PRR12: variants seen among roughly 807,000 people sequenced by gnomAD.
PRR12 encodes the protein proline rich 12.
In PRR12, 12 loss-of-function variants were observed where a neutral mutation model predicts 138.0. The ratio of observed to expected loss-of-function variants is 0.09; its 90% CI spans 0.06 to 0.14. The LOEUF (loss-of-function observed/expected upper bound fraction) is 0.14. PRR12 is among the 10% of genes least tolerant of loss of function. The pLI, the probability that PRR12 is intolerant of heterozygous loss-of-function variation, is 1.00. For missense variants in PRR12, 2,692 were observed against 2,861.3 expected, an observed-to-expected ratio of 0.94 and a Z score of 1.35; for synonymous variants, 1,567 against 1,291.7, an observed-to-expected ratio of 1.21 and a Z score of -4.57.
chr19:49,599,847 C>T lies in PRR12; in HGVS notation c.4254C>T (p.Thr1418=). The T allele has an allele frequency of 6.2e-7, 1 of 1,613,278 alleles. No homozygotes were observed. The highest frequency in any genetic ancestry group is 8.5e-7 in the Non-Finnish European group (1 of 1,179,878). The stretch of plus-strand genomic sequence containing the variant: ...TTGCTGGGCCAAAAGACACTTCCAC[C>T]CCAGATGGGCCGCCCTTGGCCCCCG... ...PPLAGPKDTS[T]PDGPPLAPAA... is the part of the protein sequence containing the mutation. The change falls in exon 5 of 14, where the codon ACC becomes ACT. Residue 1418 remains threonine, a synonymous_variant. Transcript: ENST00000418929. This position sits in a 1 kb window ranked among gnomAD's most constrained non-coding sequence, Gnocchi z 5.0.
intron 10 of PRR12, 29 bp downstream of exon 10, chr19:49,620,506 G>C (rs896157115): frequency 1.2e-5 from 19 of 1,527,036 alleles, no homozygotes; most frequent in Admixed American, 1.2e-4. Context: ...AGGAGGGGGG[G>C]GGGCTGACTC....
In PRR12 at chr19:49,625,895, A is replaced by AC. The variant is rs1204758087; in HGVS notation, c.*295dup. 7.3e-5 allele frequency: 16 copies of AC among 217,848 alleles called. No homozygotes were observed. In the East Asian group the frequency reaches 1.2e-3, roughly 16 times the overall value. 13.5% of individuals were successfully genotyped at this position (217,848 alleles called of 1,614,324 possible). Reference sequence around the variant, plus strand: ...ACGGTTTCCCTCTCCCCTTGCCCCGACCCCCCCTCCACAGCCACAGCCCCC... The same window carrying AC: ...ACGGTTTCCCTCTCCCCTTGCCCCGACCCCCCCCTCCACAGCCACAGCCCCC... On this transcript the variant is annotated 3_prime_UTR_variant, in exon 14 of 14. Transcript: ENST00000418929. The surrounding 1 kb of genome is among the most constrained non-coding windows in gnomAD (Gnocchi z 5.5).
Position 49,599,499 on chromosome 19 carries a change from C to T in PRR12, c.3906C>T (p.Gly1302=). 6.3e-7 allele frequency: 1 copy of T among 1,598,456 alleles called. No homozygotes were observed. Residue 1302 remains glycine, a synonymous_variant, in exon 5 of 14, where the codon GGC becomes GGT. Transcript: ENST00000418929. This position sits in a 1 kb window ranked among gnomAD's most constrained non-coding sequence, Gnocchi z 5.0. ...GCCACCCACCACTCTACCAGGCGGGCCTGACGCCTCCGCTCAGCCCTCCCA... is the reference window on the plus strand; with the variant it reads ...GCCACCCACCACTCTACCAGGCGGGTCTGACGCCTCCGCTCAGCCCTCCCA... ...GKRHPPLYQA[G]LTPPLSPPKS...
Position 49,620,496 on chromosome 19 carries a change from A to AG in PRR12, c.5623+21dup, listed in dbSNP as rs1026065347. ...ACGCATGGTGAGCTGAGGCCTGGGG[A>AG]GGAGGGGGGGGGGCTGACTCGGTCT... On this transcript the variant is annotated intron_variant, in intron 10 of 13. Transcript: ENST00000418929. 15 of 1,469,518 alleles carry AG rather than the reference A, an allele frequency of 1.0e-5. No homozygotes were observed. The highest frequency in any genetic ancestry group is 4.1e-5 in the Admixed American group (2 of 49,358). 91.0% of individuals were successfully genotyped at this position (1,469,518 alleles called of 1,614,324 possible).
chr19:49,595,720 G>C lies in PRR12; in HGVS notation c.1385G>C (p.Gly462Ala). ...CCCCAGGCCTACGGGCAAGGGTTTG[G>C]AGGGGGGCAGGCACAGGACTTGAGC... Reference protein sequence around the residue: ...LGPQAYGQGFGGGQAQDLSKA... With the variant: ...LGPQAYGQGFAGGQAQDLSKA... Residue 462 changes from glycine to alanine, a missense_variant, in exon 4 of 14, where the codon GGA (glycine) becomes GCA (alanine). Physicochemically the swap from Gly to Ala is moderately conservative, Grantham distance 60. Transcript: ENST00000418929. The C allele has an allele frequency of 6.3e-7, 1 of 1,592,196 alleles. No homozygotes were observed. Among genetic ancestry groups the C allele is most frequent in the Non-Finnish European group, 8.5e-7 (1 of 1,169,652 alleles).
rs1029184042 is a variant in PRR12, at chr19:49,597,353, G to A, written c.3018G>A (p.Pro1006=). The A allele has an allele frequency of 7.1e-6, 11 of 1,538,894 alleles. No homozygotes were observed. Among genetic ancestry groups the A allele is most frequent in the Non-Finnish European group, 9.6e-6 (11 of 1,146,876 alleles). Residue 1006 remains proline, a synonymous_variant, in exon 4 of 14, where the codon CCG becomes CCA. Transcript: ENST00000418929. This position sits in a 1 kb window ranked among gnomAD's most constrained non-coding sequence, Gnocchi z 6.3. ...CGTCGGGAGCCGGGCCCGAGACACC[G>A]GGCCTGGGCCTGGACCCCAACAAAC... The part of the protein sequence containing the change: ...GRASGAGPET[P]GLGLDPNKPP...
Position 49,599,957 on chromosome 19 carries a change from G to T in PRR12, c.4345+19G>T. 1 of 1,573,924 alleles carries T rather than the reference G, an allele frequency of 6.4e-7. No individual in the cohort carries two copies. The highest frequency in any genetic ancestry group is 1.2e-5 in the South Asian group (1 of 86,052). ...ACTCCCGGTGAGCTCTGGGCAGGTG[G>T]TCTGGGAGTAGAGCTTAAAGGTTAT... On this transcript the variant is annotated intron_variant, in intron 5 of 13. Coordinates refer to ENST00000418929, the MANE Select transcript of PRR12 (RefSeq NM_020719.3). This position sits in a 1 kb window ranked among gnomAD's most constrained non-coding sequence, Gnocchi z 5.0.
rs1186556831 is a variant in PRR12, at chr19:49,594,690, T to C, written c.362-7T>C. The C allele has an allele frequency of 1.2e-6, 2 of 1,611,438 alleles. No individual in the cohort carries two copies. Among genetic ancestry groups the C allele is most frequent in the Non-Finnish European group, 8.5e-7 (1 of 1,179,608 alleles). ...TCTCTCTGACGCGCGGTCTTCCTCA[T>C]CTCCAGCCATGCACACGCCAGGCCC... On this transcript the variant is annotated splice_region_variant and splice_polypyrimidine_tract_variant and intron_variant, in intron 3 of 13. Coordinates refer to ENST00000418929, the MANE Select transcript of PRR12 (RefSeq NM_020719.3). This position sits in a 1 kb window ranked among gnomAD's most constrained non-coding sequence, Gnocchi z 5.6.
chr19:49,620,355 G>C lies in PRR12; in HGVS notation c.5501G>C (p.Arg1834Pro). ...SSPGAPSEDE[R>P]AVPGRLLKTR... ...CTGCGTCCTGTCTTTTCTGCAGAGC[G>C]GGCAGTACCTGGGCGTCTGCTCAAA... Residue 1834 changes from arginine to proline, a missense_variant, in exon 10 of 14, where the codon CGG becomes CCG. Physicochemically the swap from Arg to Pro is moderately radical, Grantham distance 103. Around this residue, in one of 11 missense-constraint regions of PRR12, gnomAD observed 259 missense variants for 265.1 expected, o/e 0.98. Coordinates refer to ENST00000418929, the MANE Select transcript of PRR12 (RefSeq NM_020719.3). 3 of 1,613,128 alleles carry C rather than the reference G, an allele frequency of 1.9e-6. No homozygotes were observed. Among genetic ancestry groups the C allele is most frequent in the Non-Finnish European group, 2.5e-6 (3 of 1,179,576 alleles).
Position 49,625,505 on chromosome 19 carries a change from G to C in PRR12, c.6009G>C (p.Glu2003Asp). The change falls in exon 14 of 14, where the codon GAG becomes GAC. Residue 2003 changes from glutamate to aspartate, a missense_variant. Around this residue, in one of 11 missense-constraint regions of PRR12, gnomAD observed 116 missense variants for 243.4 expected, o/e 0.48. Coordinates refer to ENST00000418929, the MANE Select transcript of PRR12 (RefSeq NM_020719.3). This position sits in a 1 kb window ranked among gnomAD's most constrained non-coding sequence, Gnocchi z 5.5. ...EGGAEDLGQE[E>D]VVQQCMRNQP... ...GCGCCGAGGACCTGGGCCAGGAGGAGGTGGTCCAGCAGTGCATGCGGAACC... is the reference window on the plus strand; with the variant it reads ...GCGCCGAGGACCTGGGCCAGGAGGACGTGGTCCAGCAGTGCATGCGGAACC... 6.2e-7 allele frequency: 1 copy of C among 1,610,272 alleles called. No homozygotes were observed. Among genetic ancestry groups the C allele is most frequent in the Non-Finnish European group, 8.5e-7 (1 of 1,178,766 alleles).
At chr19:49,600,187 A>G (rs780189349) in intron 5 of PRR12, among the ~76,000 whole-genome samples, 1 of 152,084 alleles carries the variant, frequency 6.6e-6, no homozygotes, top group Non-Finnish European at 1.5e-5. Context: ...GCAGGGAGAC[A>G]GGGCAGGTGA....
At chr19:49,617,757 G>A (rs944722378) in intron 9 of PRR12, among the ~76,000 whole-genome samples, 1 of 152,184 alleles carries the variant, frequency 6.6e-6, no homozygotes, top group African/African-American at 2.4e-5. Flanking sequence ...CGAGTCAAAT[G>A]AGGAAGGCGG....
intron 11 of PRR12, 40 bp downstream of exon 11, chr19:49,621,662 G>A: frequency 6.7e-7 from 1 of 1,482,240 alleles, no homozygotes; most frequent in Non-Finnish European, 9.2e-7. Context: ...GGGGCCCAGG[G>A]TCCACATGGA....
intron 5 of PRR12, among the ~76,000 whole-genome samples, chr19:49,601,049 A>G (rs945094168): frequency 6.6e-6 from 1 of 152,096 alleles, no homozygotes; most frequent in Non-Finnish European, 1.5e-5. Context: ...AAAAAGCCTG[A>G]AGAAGGGAGC....
rs1330075177 is a variant in PRR12, at chr19:49,614,207, A to G, written c.4774-326A>G. 2.0e-5 allele frequency among the ~76,000 whole-genome samples: 3 copies of G among 152,204 alleles called. No homozygotes were observed. The highest frequency in any genetic ancestry group is 7.2e-5 in the African/African-American group (3 of 41,442). On this transcript the variant is annotated intron_variant, in intron 6 of 13. Transcript: ENST00000418929. This position sits in a 1 kb window ranked among gnomAD's most constrained non-coding sequence, Gnocchi z 5.0. The stretch of plus-strand genomic sequence containing the variant: ...CGTACTCTCCTGTCCAGCACAGTAA[A>G]TAGCAGGCGGTGTTCAAAGATTGTC...
intron 5 of PRR12, 118 bp from the exon 6 acceptor site, chr19:49,601,373 G>C: frequency 1.6e-6 from 1 of 640,910 alleles, no homozygotes; most frequent in Non-Finnish European, 2.8e-6. Context: ...AGGGACACTG[G>C]GAGCTGAGTG....
intron 8 of PRR12, among the ~76,000 whole-genome samples, 156 bp from the exon 9 acceptor site, chr19:49,615,591 T>A (rs1379876649): frequency 3.3e-4 from 27 of 82,750 alleles, no homozygotes; most frequent in Non-Finnish European, 5.8e-4. Flanking sequence ...AGGGAGGGGG[T>A]CAGAGTCCCA....
Position 49,594,830 on chromosome 19 carries a change from C to T in PRR12, c.495C>T (p.Pro165=), listed in dbSNP as rs773490073. 3 of 1,611,892 alleles carry T rather than the reference C, an allele frequency of 1.9e-6. No individual in the cohort carries two copies. The highest frequency in any genetic ancestry group is 2.2e-5 in the South Asian group (2 of 90,758). ...ASFGSRPFPV[P]SSLSLQDPPF... ...TCGGCAGCCGCCCCTTCCCAGTGCC[C>T]TCGTCCCTCAGCCTCCAGGACCCCC... The change falls in exon 4 of 14, where the codon CCC becomes CCT. Residue 165 remains proline (P), a synonymous_variant. Transcript: ENST00000418929. The surrounding 1 kb of genome is among the most constrained non-coding windows in gnomAD (Gnocchi z 5.6).
chr19:49,602,157 G>A (rs1027326934), intron 6 of PRR12, among the ~76,000 whole-genome samples: 2 of 152,148 alleles, frequency 1.3e-5, no homozygotes, highest in East Asian at 1.9e-4. Flanking sequence ...GATTGTTAAC[G>A]CGTATGTGTC....
Sources: gnomAD v4.1 joint callset for allele counts (sites outside exome capture counted in the v4.1 genomes callset) on GRCh38, gnomAD v4.1.1 for gene constraint, gnomAD v4.1.1 regional missense constraint, Gnocchi (gnomAD v3.1) non-coding constraint, MANE v1.5 for transcripts, NCBI Gene and HGNC (gene_info 2026-07-23, HGNC 2026-07-21) for gene names.